Variants in ADAP1 observed in about 807,000 individuals in gnomAD.
The protein encoded by ADAP1 is arf-GAP with dual PH domain-containing protein 1.
In ADAP1, 31 loss-of-function variants were observed where a neutral mutation model predicts 54.9. The observed-to-expected ratio is 0.56, with a 90% CI of 0.42 to 0.76. ADAP1 has a LOEUF of 0.76. Among genes scored for constraint, ADAP1 ranks in the 30% least tolerant of loss-of-function variants. The pLI is 0.00. For missense variants in ADAP1, 535 were observed against 512.4 expected, an observed-to-expected ratio of 1.04 and a Z score of -0.42; for synonymous variants, 313 against 202.6, an observed-to-expected ratio of 1.55 and a Z score of -4.63.
intron 4 of ADAP1, among the ~76,000 whole-genome samples, chr7:908,873 G>C (rs76708231): frequency 0.049 from 7,439 of 152,246 alleles, 296 homozygotes; most frequent in African/African-American, 0.11. Context: ...TCGCCCACGG[G>C]GGTGGAGCTG....
chr7:899,998 C>G (rs1844708066), intron 8 of ADAP1, 104 bp downstream of exon 8: 1 of 1,368,650 alleles, frequency 7.3e-7, no homozygotes, highest in Non-Finnish European at 1.0e-6. Context: ...CACCAGACAC[C>G]AGTTTAAAAC....
intron 4 of ADAP1, among the ~76,000 whole-genome samples, chr7:907,482 G>A (rs1447907742): frequency 6.6e-6 from 1 of 152,162 alleles, no homozygotes; most frequent in African/African-American, 2.4e-5. Context: ...AGCTCTGCCA[G>A]AGCTGTGGGA....
intron 3 of ADAP1, among the ~76,000 whole-genome samples, chr7:924,771 C>G (rs1846326386): frequency 6.6e-6 from 1 of 151,924 alleles, no homozygotes; most frequent in Admixed American, 6.6e-5. Context: ...GGTCCCGACT[C>G]AGAACAGCCA....
At chr7:908,561 G>C (rs1003279254) in intron 4 of ADAP1, among the ~76,000 whole-genome samples, 3 of 152,218 alleles carry the variant, frequency 2.0e-5, no homozygotes, top group Non-Finnish European at 4.4e-5. Context: ...CTCACTGTGA[G>C]AGCGAGGCCA....
chr7:908,510 C>T lies in ADAP1; in HGVS notation c.389-3338G>A, dbSNP rs1054718639. On this transcript the variant is annotated intron_variant, in intron 4 of 10. Transcript: ENST00000265846. ...CCAGCCCCGTGCGCACAGCAGCAGC[C>T]AGGAGCCCCCTTCCCATGGAAGAAC... 4.4e-4 allele frequency among the ~76,000 whole-genome samples: 67 copies of T among 152,332 alleles called. 1 individual carries two copies. Among genetic ancestry groups the T allele is most frequent in the African/African-American group, 1.5e-3 (64 of 41,580 alleles).
At chr7:915,564 G>A (rs1293531199) in intron 4 of ADAP1, among the ~76,000 whole-genome samples, 1 of 152,212 alleles carries the variant, frequency 6.6e-6, no homozygotes, top group Non-Finnish European at 1.5e-5. Context: ...CTACCCTGCT[G>A]GGAGGCCTCT....
intron 1 of ADAP1, among the ~76,000 whole-genome samples, chr7:937,178 A>ATTTGGGGGTCACGCCCGG (rs1846792777): frequency 1.0e-4 from 2 of 19,062 alleles, no homozygotes; most frequent in African/African-American, 2.3e-4. Context: ...GTCACGCCCG[A>ATTTGGGGGTCACGCCCGG]CCTCTGGGAT....
rs371646334 is a variant in ADAP1, at chr7:899,310, C to T, written c.868-49G>A. 2.8e-4 allele frequency: 457 copies of T among 1,608,078 alleles called. 8 individuals carry two copies. The South Asian group carries it at 3.4e-3, about 12-fold the overall frequency. ...GGCGGGGCCATGTCCCTTCCAGCCCCGCTTCACTCAGGCCAGGACTCGGGA... is the reference window on the plus strand; with the variant it reads ...GGCGGGGCCATGTCCCTTCCAGCCCTGCTTCACTCAGGCCAGGACTCGGGA... On this transcript the variant is annotated intron_variant, in intron 9 of 10. Coordinates refer to ENST00000265846, the MANE Select transcript of ADAP1 (RefSeq NM_006869.4).
Position 945,709 on chromosome 7 carries a change from C to T in ADAP1, c.82+8687G>A. ...GGAGCTGCCTCCTCCTCGGAGACTG[C>T]CCACAGCCGCCAGCCTCTTTCCCTC... On this transcript the variant is annotated intron_variant, in intron 1 of 10. Coordinates refer to ENST00000265846, the MANE Select transcript of ADAP1 (RefSeq NM_006869.4). This position sits in a 1 kb window ranked among gnomAD's most constrained non-coding sequence, Gnocchi z 4.2. 3.1e-6 allele frequency: 3 copies of T among 980,920 alleles called. No homozygotes were observed. The highest frequency in any genetic ancestry group is 3.6e-6 in the Non-Finnish European group (3 of 825,720). The allele number at this position is 980,920 out of a possible 1,614,324, so 60.8% of individuals were successfully genotyped here.
Position 920,911 on chromosome 7 carries a change from C to A in ADAP1, c.306-861G>T, listed in dbSNP as rs1288954381. On this transcript the variant is annotated intron_variant, in intron 3 of 10. Transcript: ENST00000265846. The surrounding 1 kb of genome is among the most constrained non-coding windows in gnomAD (Gnocchi z 4.5). ...TTACGCGGCAAAGAACAAATAGGAA[C>A]CCTGTGGCTTCCTGCTGGGCCCACG... 2 of 1,532,556 alleles carry A rather than the reference C, an allele frequency of 1.3e-6. No individual in the cohort carries two copies. Among genetic ancestry groups the A allele is most frequent in the Non-Finnish European group, 8.8e-7 (1 of 1,132,190 alleles). The allele number at this position is 1,532,556 out of a possible 1,614,324, so 94.9% of individuals were successfully genotyped here.
At chr7:910,111 C>A (rs1047746045) in intron 4 of ADAP1, among the ~76,000 whole-genome samples, 2 of 152,226 alleles carry the variant, frequency 1.3e-5, no homozygotes, top group African/African-American at 4.8e-5. Flanking sequence ...GCCGGCCCTT[C>A]CACGCTGCCC....
At position 920,098 on chromosome 7, in the gene ADAP1, C is replaced by T. The variant is rs747728217; in HGVS notation, c.306-48G>A. ...GCCACTGGGCCAAGGCGGCCTCCGA[C>T]CCAGCACACGCCGCTCTCTGGCCCG... On this transcript the variant is annotated intron_variant, in intron 3 of 10. Transcript: ENST00000265846. This position sits in a 1 kb window ranked among gnomAD's most constrained non-coding sequence, Gnocchi z 4.5. The T allele has an allele frequency of 1.3e-6, 2 of 1,556,520 alleles. No homozygotes were observed. The highest frequency in any genetic ancestry group is 3.4e-5 in the Admixed American group (2 of 58,756).
At chr7:901,034 T>C (rs1054907101) in intron 6 of ADAP1, 17 of 473,100 alleles carry the variant, frequency 3.6e-5, no homozygotes, top group African/African-American at 3.4e-4. Context: ...AAGCAAGTCT[T>C]GGGGTGGTGG....
chr7:906,773 GA>G (rs1461779974), intron 4 of ADAP1, among the ~76,000 whole-genome samples: 2 of 28,594 alleles, frequency 7.0e-5, no homozygotes, highest in East Asian at 1.8e-3. Context: ...GGACATGGGG[GA>G]CAGGGGACAC....
At chr7:950,485 CAAAAA>C (rs59360722) in intron 1 of ADAP1, among the ~76,000 whole-genome samples, 5 of 93,114 alleles carry the variant, frequency 5.4e-5, no homozygotes, top group Admixed American at 1.2e-4. Flanking sequence ...GACTCTGCCT[CAAAAA>C]AAAAAAAAAA....
intron 1 of ADAP1, among the ~76,000 whole-genome samples, chr7:936,669 TG>T (rs1846769350): frequency 6.6e-6 from 1 of 152,214 alleles, no homozygotes; most frequent in Admixed American, 6.5e-5. Context: ...GGGAGTGGAA[TG>T]GCTGAAAGGC....
chr7:921,541 A>G (rs1846191706), intron 3 of ADAP1, among the ~76,000 whole-genome samples: 3 of 151,956 alleles, frequency 2.0e-5, no homozygotes, highest in African/African-American at 7.3e-5. Flanking sequence ...CTGGTCTGGA[A>G]CTCCTGAGGC....
chr7:900,769 G>T lies in ADAP1; in HGVS notation c.649-153C>A. ...CTCAGCTCCCAGCAGTCCTGCCGCA[G>T]GCCTGGCCCCTGTGCCCACGCTGAG... On this transcript the variant is annotated intron_variant, in intron 6 of 10. Coordinates refer to ENST00000265846, the MANE Select transcript of ADAP1 (RefSeq NM_006869.4). 10 of 704,376 alleles carry T rather than the reference G, an allele frequency of 1.4e-5. 1 individual carries two copies. In the South Asian group the frequency reaches 1.8e-4, roughly 12 times the overall value. 43.6% of individuals were successfully genotyped at this position (704,376 alleles called of 1,614,324 possible). A position where few individuals can be genotyped will look rare whatever the true frequency, so the allele number is the denominator to read the frequency against.
At chr7:909,045 G>A (rs1051274725) in intron 4 of ADAP1, among the ~76,000 whole-genome samples, 1 of 152,188 alleles carries the variant, frequency 6.6e-6, no homozygotes, top group Non-Finnish European at 1.5e-5. Context: ...AGGCCGCGGG[G>A]TCTGGGAGGC....
Sources: allele counts gnomAD v4.1 joint callset (sites outside exome capture counted in the v4.1 genomes callset), GRCh38; gene constraint gnomAD v4.1.1; non-coding constraint Gnocchi (gnomAD v3.1); transcripts MANE v1.5; gene names NCBI Gene and HGNC (gene_info 2026-07-23, HGNC 2026-07-21).